SLC5A8: variants seen among roughly 807,000 people sequenced by gnomAD.
SLC5A8 encodes the protein sodium-coupled monocarboxylate transporter 1.
Under a neutral mutation model 71.9 loss-of-function variants are expected in SLC5A8, and 55 were observed. The ratio of observed to expected loss-of-function variants is 0.77; its 90% CI spans 0.62 to 0.96. SLC5A8 has a LOEUF of 0.96. SLC5A8 is among the 40% of genes least tolerant of loss of function. The pLI is 0.00. For missense variants in SLC5A8, 701 were observed against 745.3 expected (o/e 0.94, Z 0.69); for synonymous variants, 307 against 276.1 (o/e 1.11, Z -1.11).
Position 101,194,521 on chromosome 12 carries a change from G to A in SLC5A8, c.537+574C>T, listed in dbSNP as rs80153763. 6.2e-3 allele frequency among the ~76,000 whole-genome samples: 948 copies of A among 152,284 alleles called. 24 individuals carry two copies. Among genetic ancestry groups the A allele is most frequent in the Admixed American group, 0.034 (515 of 15,290 alleles). On this transcript the variant is annotated intron_variant, in intron 4 of 14. Coordinates refer to ENST00000536262, the MANE Select transcript of SLC5A8 (RefSeq NM_145913.5). ...TTCTTTGCTGCCCAAGCGGGAGTGC[G>A]GTGGTGCAATCACAGCTCACTGCAG...
Position 101,202,200 on chromosome 12 carries a change from T to C in SLC5A8, c.433A>G (p.Ile145Val), listed in dbSNP as rs756793362. 1.9e-5 allele frequency: 31 copies of C among 1,605,858 alleles called. No individual in the cohort carries two copies. Among genetic ancestry groups the C allele is most frequent in the Admixed American group, 8.5e-5 (5 of 58,794 alleles). Reference sequence around the variant, plus strand: ...GCCAGGGCAGGGGCATAAATAACAATTCCAGTATACAGAATCTAGGGGGGA... The same window carrying C: ...GCCAGGGCAGGGGCATAAATAACAACTCCAGTATACAGAATCTAGGGGGGA... ...FIVQTILYTG[I>V]VIYAPALALN... The change falls in exon 3 of 15, where the codon ATT (isoleucine) becomes GTT (valine). Residue 145 changes from isoleucine to valine, a missense_variant. By Grantham distance (29) the Ile-to-Val change is conservative (BLOSUM62 3). Transcript: ENST00000536262.
chr12:101,191,614 G>T (rs563477808), intron 5 of SLC5A8, among the ~76,000 whole-genome samples: 2 of 152,260 alleles, frequency 1.3e-5, no homozygotes, highest in South Asian at 2.1e-4. Context: ...GCTATCTGAG[G>T]GAAGTATGAC....
At position 101,187,428 on chromosome 12, in the gene SLC5A8, G is replaced by A. The variant is rs1219164335; in HGVS notation, c.921C>T (p.Asp307=). ...CGLALYSRYH[D]CDPWTAKKVS... ...CTTTCTTGGCTGTCCAAGGATCACAGTCATGGTACCTGGAATATAGGGCGA... is the reference window on the plus strand; with the variant it reads ...CTTTCTTGGCTGTCCAAGGATCACAATCATGGTACCTGGAATATAGGGCGA... The change falls in exon 7 of 15, where the codon GAC becomes GAT. Residue 307 remains aspartate (D), a synonymous_variant. Coordinates refer to ENST00000536262, the MANE Select transcript of SLC5A8 (RefSeq NM_145913.5). 5 of 1,613,820 alleles carry A rather than the reference G, an allele frequency of 3.1e-6. No homozygotes were observed. The highest frequency in any genetic ancestry group is 4.2e-6 in the Non-Finnish European group (5 of 1,179,960).
chr12:101,191,792 C>T (rs1039972519), intron 5 of SLC5A8, among the ~76,000 whole-genome samples: 3 of 152,176 alleles, frequency 2.0e-5, no homozygotes, highest in Non-Finnish European at 4.4e-5. Context: ...ACAAGGGATA[C>T]TCTTGAAAAG....
intron 10 of SLC5A8, among the ~76,000 whole-genome samples, chr12:101,176,011 T>C (rs1303291448): frequency 6.6e-6 from 1 of 151,958 alleles, no homozygotes; most frequent in Non-Finnish European, 1.5e-5. Flanking sequence ...AATAATTATA[T>C]TAAATGTGAA....
intron 14 of SLC5A8, 114 bp downstream of exon 14, chr12:101,158,135 G>T: frequency 5.3e-6 from 4 of 761,786 alleles, no homozygotes; most frequent in Non-Finnish European, 6.8e-6. Flanking sequence ...ATTATATAGG[G>T]TCTATACCTT....
intron 1 of SLC5A8, among the ~76,000 whole-genome samples, chr12:101,205,909 C>T (rs1488438286): frequency 6.6e-6 from 1 of 152,210 alleles, no homozygotes; most frequent in Non-Finnish European, 1.5e-5. Flanking sequence ...TAAGACCTCA[C>T]TCCCAGATCA....
chr12:101,208,731 A>G (rs1397679790), intron 1 of SLC5A8, among the ~76,000 whole-genome samples: 2 of 152,206 alleles, frequency 1.3e-5, no homozygotes, highest in Non-Finnish European at 2.9e-5. Flanking sequence ...TGATCCCAAG[A>G]TAACTACCAC....
intron 3 of SLC5A8, among the ~76,000 whole-genome samples, chr12:101,196,935 C>G (rs545305401): frequency 1.3e-5 from 2 of 152,156 alleles, no homozygotes; most frequent in African/African-American, 4.8e-5. Flanking sequence ...AAAGCTCCCC[C>G]ACCCCGCAAG....
intron 3 of SLC5A8, among the ~76,000 whole-genome samples, chr12:101,195,983 C>A (rs1393958394): frequency 6.6e-6 from 1 of 152,162 alleles, no homozygotes; most frequent in Non-Finnish European, 1.5e-5. Context: ...GCGTGAGCCA[C>A]CGCGCCTGGC....
At chr12:101,186,764 C>G (rs1319515830) in intron 7 of SLC5A8, among the ~76,000 whole-genome samples, 3 of 152,056 alleles carry the variant, frequency 2.0e-5, no homozygotes, top group Admixed American at 2.0e-4. Context: ...AGTGCCTGGC[C>G]CATGGTGGGT....
chr12:101,198,557 A>G (rs1869297893), intron 3 of SLC5A8, among the ~76,000 whole-genome samples: 1 of 151,942 alleles, frequency 6.6e-6, no homozygotes, highest in South Asian at 2.1e-4. Flanking sequence ...CATTCCCTAA[A>G]AAATACAATT....
At chr12:101,166,273 T>C (rs164366) in intron 12 of SLC5A8, among the ~76,000 whole-genome samples, 34,174 of 152,118 alleles carry the variant, frequency 0.22, 4,237 homozygotes, top group East Asian at 0.53. Flanking sequence ...ATATTTAAGT[T>C]TTCTTAGATC....
At chr12:101,162,538 T>G (rs1427072740) in intron 12 of SLC5A8, among the ~76,000 whole-genome samples, 1 of 152,206 alleles carries the variant, frequency 6.6e-6, no homozygotes, top group Non-Finnish European at 1.5e-5. Flanking sequence ...GTGGTACATA[T>G]ACACCATGGA....
chr12:101,168,381 G>T (rs2051794090), intron 10 of SLC5A8, among the ~76,000 whole-genome samples, 199 bp from the exon 11 acceptor site: 1 of 152,146 alleles, frequency 6.6e-6, no homozygotes, highest in African/African-American at 2.4e-5. Flanking sequence ...GGATCCATCT[G>T]TTTCTGCAAG....
At chr12:101,170,111 G>A (rs768221938) in intron 10 of SLC5A8, among the ~76,000 whole-genome samples, 5 of 152,210 alleles carry the variant, frequency 3.3e-5, no homozygotes, top group South Asian at 2.1e-4. Flanking sequence ...CAAGGCCTGC[G>A]TGTTGAAGAC....
At chr12:101,163,420 T>C (rs933503601) in intron 12 of SLC5A8, among the ~76,000 whole-genome samples, 3 of 152,140 alleles carry the variant, frequency 2.0e-5, no homozygotes, top group African/African-American at 7.2e-5. Flanking sequence ...GGCACACACC[T>C]ATAATCCCAG....
chr12:101,168,303 A>C, intron 10 of SLC5A8, 121 bp from the exon 11 acceptor site: 2 of 890,548 alleles, frequency 2.2e-6, no homozygotes, highest in East Asian at 5.5e-5. Context: ...TCATAGTTTC[A>C]GTCATGATAG....
In SLC5A8 at chr12:101,209,690, G is replaced by A. The variant is rs371044625; in HGVS notation, c.159C>T (p.Thr53=). The A allele has an allele frequency of 6.2e-7, 1 of 1,613,560 alleles. No individual in the cohort carries two copies. Among genetic ancestry groups the A allele is most frequent in the South Asian group, 1.1e-5 (1 of 91,080 alleles). ...KDFLMGGRRM[T]AVPVALSLTA... ...TGAGGGACAGCGCCACGGGCACTGC[G>A]GTCATTCTGCGGCCGCCCATCAGGA... Residue 53 remains threonine (T), a synonymous_variant, in exon 1 of 15, where the codon ACC becomes ACT. Coordinates refer to ENST00000536262, the MANE Select transcript of SLC5A8 (RefSeq NM_145913.5).
Sources: allele counts gnomAD v4.1 joint callset (sites outside exome capture counted in the v4.1 genomes callset), GRCh38; gene constraint gnomAD v4.1.1; transcripts MANE v1.5; gene names NCBI Gene and HGNC (gene_info 2026-07-23, HGNC 2026-07-21).